SNAPC4: variants seen among roughly 807,000 people sequenced by gnomAD.
The protein encoded by SNAPC4 is small nuclear RNA activating complex polypeptide 4, also known as snRNA-activating protein complex subunit 4.
Under a neutral mutation model 151.3 loss-of-function variants are expected in SNAPC4, and 127 were observed. The ratio of observed to expected loss-of-function variants is 0.84; its 90% CI spans 0.73 to 0.97. The LOEUF is 0.97. SNAPC4 is among the 50% of genes least tolerant of loss of function. SNAPC4 has a pLI of 0.00. For synonymous variants in SNAPC4, 1,002 were observed against 824.4 expected, an observed-to-expected ratio of 1.22 and a Z score of -3.69; for missense variants, 2,186 against 1,935.0, an observed-to-expected ratio of 1.13 and a Z score of -2.43.
rs376659032 is a variant in SNAPC4, at chr9:136,377,821, C to T, written c.4006G>A (p.Glu1336Lys). The change falls in exon 22 of 24, where the codon GAG (glutamate) becomes AAG (lysine). Residue 1336 changes from glutamate to lysine, a missense_variant. Transcript: ENST00000684778. Reference protein sequence around the residue: ...HKATSLVVGGEAERPAGALQA... With the variant: ...HKATSLVVGGKAERPAGALQA... ...AGTGCTCCGGCCGGCCGCTCAGCCT[C>T]GCCCCCCACCACCAGGGAGGTGGCC... is the stretch of plus-strand genomic sequence containing the variant. 1.0e-4 allele frequency: 164 copies of T among 1,611,530 alleles called. 1 individual carries two copies. The highest frequency in any genetic ancestry group is 1.0e-3 in the Middle Eastern group (6 of 6,030).
intron 20 of SNAPC4, among the ~76,000 whole-genome samples, chr9:136,380,132 G>A (rs1007094095): frequency 6.6e-6 from 1 of 152,200 alleles, no homozygotes; most frequent in African/African-American, 2.4e-5. Context: ...GGAGGCTCCT[G>A]AACCGCAGGC....
At chr9:136,391,180 A>G (rs1254256499) in intron 10 of SNAPC4, among the ~76,000 whole-genome samples, 1 of 152,210 alleles carries the variant, frequency 6.6e-6, no homozygotes, top group Non-Finnish European at 1.5e-5. Flanking sequence ...GCTGATATAG[A>G]GTAGGCCCTA....
intron 8 of SNAPC4, 24 bp downstream of exon 8, chr9:136,392,649 G>A (rs2131505432): frequency 3.1e-6 from 5 of 1,612,886 alleles, no homozygotes; most frequent in Non-Finnish European, 4.2e-6. Flanking sequence ...GCTCCCCTGG[G>A]CCCTCCCGGG....
chr9:136,393,322 C>G (rs1357716327), intron 7 of SNAPC4, among the ~76,000 whole-genome samples: 2 of 152,190 alleles, frequency 1.3e-5, no homozygotes, highest in Non-Finnish European at 2.9e-5. Flanking sequence ...CCAGAGATGC[C>G]CTGGCAGCTT....
chr9:136,376,917 G>A (rs561553246), intron 22 of SNAPC4, among the ~76,000 whole-genome samples: 1 of 152,200 alleles, frequency 6.6e-6, no homozygotes, highest in Non-Finnish European at 1.5e-5. Flanking sequence ...AGGCCCACAG[G>A]TCCAGCTGAG....
Position 136,376,444 on chromosome 9 carries a change from C to A in SNAPC4, c.4322G>T (p.Cys1441Phe). The change falls in exon 23 of 24, where the codon TGC (cysteine) becomes TTC (phenylalanine). Residue 1441 changes from cysteine (C) to phenylalanine (F), a missense_variant. Coordinates refer to ENST00000684778, the MANE Select transcript of SNAPC4 (RefSeq NM_003086.4). ...PDSGKCSASS[C>F]LDTSNDPDDL... ...GTCAGGGTCATTAGAAGTATCCAGG[C>A]AGGAGGAAGCAGAGCATTTACCAGA... 1 of 1,613,434 alleles carries A rather than the reference C, an allele frequency of 6.2e-7. No homozygotes were observed. Among genetic ancestry groups the A allele is most frequent in the Non-Finnish European group, 8.5e-7 (1 of 1,179,908 alleles).
rs374062635 is a variant in SNAPC4 at position 136,378,517 on chromosome 9, C to A, written c.3310G>T (p.Gly1104Cys). The A allele has an allele frequency of 4.5e-5, 72 of 1,592,124 alleles. No homozygotes were observed. The highest frequency in any genetic ancestry group is 5.9e-5 in the Non-Finnish European group (69 of 1,175,116). The change falls in exon 22 of 24, where the codon GGC becomes TGC. Residue 1104 changes from glycine (G) to cysteine (C), a missense_variant. By Grantham distance (159) the Gly-to-Cys change is radical. Coordinates refer to ENST00000684778, the MANE Select transcript of SNAPC4 (RefSeq NM_003086.4). ...AGAGTGGCCAGCAGCCCTGCGGGGC[C>A]AGGGGTCCCTGCTGGCCTGGGAAGG... ...VSLPRPAGTP[G>C]PAGLLATLLP... is the part of the protein sequence containing the mutation.
intron 10 of SNAPC4, 113 bp from the exon 11 acceptor site, chr9:136,388,704 C>G: frequency 8.1e-7 from 1 of 1,234,342 alleles, no homozygotes; most frequent in Non-Finnish European, 1.2e-6. Flanking sequence ...GGTGACCCTT[C>G]TGCAGACCCC....
In SNAPC4 at chr9:136,394,268, G is replaced by T; in HGVS notation, c.613C>A (p.Leu205Ile). 1.2e-6 allele frequency: 2 copies of T among 1,613,796 alleles called. No individual in the cohort carries two copies. The highest frequency in any genetic ancestry group is 1.7e-6 in the Non-Finnish European group (2 of 1,179,814). The change falls in exon 7 of 24, where the codon CTT becomes ATT. Residue 205 changes from leucine to isoleucine, a missense_variant. By Grantham distance (5) the Leu-to-Ile change is conservative (BLOSUM62 2). Coordinates refer to ENST00000684778, the MANE Select transcript of SNAPC4 (RefSeq NM_003086.4). Reference protein sequence around the residue: ...SVVSDRLQRLLQPKLLKLEYL... With the variant: ...SVVSDRLQRLIQPKLLKLEYL... ...ACTTACTTCAGTAACTTGGGCTGAA[G>T]CAATCGCTGCAGGCGGTCACTCACC...
chr9:136,395,829 C>T (rs373556548), intron 3 of SNAPC4, 59 bp from the exon 4 acceptor site: 27 of 1,530,612 alleles, frequency 1.8e-5, no homozygotes, highest in East Asian at 1.6e-4. Flanking sequence ...CCCCTGTCCT[C>T]GGCAGCCAGT....
In SNAPC4 at chr9:136,378,803, G is replaced by C. The variant is rs776593524; in HGVS notation, c.3024C>G (p.Ala1008=). 5 of 1,581,734 alleles carry C rather than the reference G, an allele frequency of 3.2e-6. No homozygotes were observed. The highest frequency in any genetic ancestry group is 4.3e-6 in the Non-Finnish European group (5 of 1,163,214). Residue 1008 remains alanine (A), a synonymous_variant, in exon 22 of 24, where the codon GCC becomes GCG. Transcript: ENST00000684778. ...TCACAGAGATCTGGCCGGGGCCCAG[G>C]GCAGGGGCTTGGGAAGCAGCAGGGG... ...GTAPAASQAP[A]LGPGQISVSC...
chr9:136,390,036 A>G (rs1182981948), intron 10 of SNAPC4, among the ~76,000 whole-genome samples: 1 of 152,188 alleles, frequency 6.6e-6, no homozygotes, highest in Non-Finnish European at 1.5e-5. Flanking sequence ...CCCAAAAATC[A>G]CAAGGAGAAA....
At chr9:136,393,260 G>A (rs1181170734) in intron 7 of SNAPC4, among the ~76,000 whole-genome samples, 4 of 152,292 alleles carry the variant, frequency 2.6e-5, no homozygotes, top group East Asian at 3.9e-4. Flanking sequence ...ATCAGGCCAC[G>A]GGGGGCAGGC....
intron 22 of SNAPC4, among the ~76,000 whole-genome samples, 200 bp downstream of exon 22, chr9:136,377,343 T>C (rs1245978647): frequency 6.6e-6 from 1 of 152,148 alleles, no homozygotes; most frequent in Non-Finnish European, 1.5e-5. Context: ...TTTTCCACAC[T>C]GCCCCAAAGG....
chr9:136,380,688 A>G, intron 20 of SNAPC4, 52 bp downstream of exon 20: 1 of 1,069,342 alleles, frequency 9.4e-7, no homozygotes, highest in East Asian at 2.4e-5. Context: ...ACCCACTCCA[A>G]CGCCGGGGCG....
At chr9:136,393,693 C>T (rs867603569) in intron 7 of SNAPC4, among the ~76,000 whole-genome samples, 3 of 151,884 alleles carry the variant, frequency 2.0e-5, no homozygotes, top group South Asian at 2.1e-4. Context: ...ACCGACCCCG[C>T]GCCCCGAGCC....
Position 136,383,800 on chromosome 9 carries a change from G to T in SNAPC4, c.1501-132C>A. The T allele has an allele frequency of 7.3e-7, 1 of 1,369,552 alleles. No individual in the cohort carries two copies. Among genetic ancestry groups the T allele is most frequent in the South Asian group, 1.3e-5 (1 of 77,332 alleles). The allele number at this position is 1,369,552 out of a possible 1,614,324, so 84.8% of individuals were successfully genotyped here. ...GGGGTCAAGAGCAGCCGCTGCCGAG[G>T]CAGGGTCTCCCTTTGCCCTTGGCCA... On this transcript the variant is annotated intron_variant, in intron 15 of 23. Transcript: ENST00000684778. The surrounding 1 kb of genome is among the most constrained non-coding windows in gnomAD (Gnocchi z 4.2).
chr9:136,381,706 CAA>C (rs34476114), intron 18 of SNAPC4, 116 bp downstream of exon 18: 91 of 1,335,166 alleles, frequency 6.8e-5, no homozygotes, highest in African/African-American at 1.3e-4. Flanking sequence ...GCGCCCACCC[CAA>C]AAAGACTCCC....
At position 136,395,431 on chromosome 9, in the gene SNAPC4, A is replaced by C; in HGVS notation, c.346-8T>G. On this transcript the variant is annotated splice_polypyrimidine_tract_variant and splice_region_variant and intron_variant, in intron 4 of 23. Transcript: ENST00000684778. ...ATCCCTCATGAGTTCCTCCTGTGACAGACACAAGGCAGGGACCCCTCTATG... is the reference window on the plus strand; with the variant it reads ...ATCCCTCATGAGTTCCTCCTGTGACCGACACAAGGCAGGGACCCCTCTATG... 6.2e-7 allele frequency: 1 copy of C among 1,611,800 alleles called. No individual in the cohort carries two copies. The highest frequency in any genetic ancestry group is 1.3e-5 in the African/African-American group (1 of 75,022).
Sources: allele counts gnomAD v4.1 joint callset (sites outside exome capture counted in the v4.1 genomes callset), GRCh38; gene constraint gnomAD v4.1.1; non-coding constraint Gnocchi (gnomAD v3.1); transcripts MANE v1.5; gene names NCBI Gene and HGNC (gene_info 2026-07-23, HGNC 2026-07-21).